Variants in ABTB2 observed in about 807,000 individuals in gnomAD.
ABTB2 encodes ankyrin repeat and BTB/POZ domain-containing protein 2.
A neutral mutation model predicts 104.1 loss-of-function variants in ABTB2; 56 were observed. That is an observed-to-expected ratio of 0.54 (90% CI 0.43 to 0.67). The LOEUF (loss-of-function observed/expected upper bound fraction) is 0.67, where lower values mean the gene tolerates loss of function less well. Ranked by LOEUF, ABTB2 falls within the 30% of genes least tolerant of loss-of-function variation. The pLI, the probability that ABTB2 is intolerant of heterozygous loss-of-function variation, is 0.00. For synonymous variants in ABTB2, 606 were observed against 608.2 expected (o/e 1.00, Z 0.05); for missense variants, 1,279 against 1,407.7 (o/e 0.91, Z 1.46).
intron 1 of ABTB2, among the ~76,000 whole-genome samples, chr11:34,277,602 G>T (rs1854397499): frequency 0.033 from 1 of 30 alleles, no homozygotes. Context: ...TGGCCAATAT[G>T]GTGAACCCCA....
chr11:34,239,260 A>T (rs1753477611), intron 1 of ABTB2, among the ~76,000 whole-genome samples: 1 of 152,000 alleles, frequency 6.6e-6, no homozygotes, highest in Non-Finnish European at 1.5e-5. Flanking sequence ...TTGTGCGCCC[A>T]CCTCTGAGCT....
intron 1 of ABTB2, among the ~76,000 whole-genome samples, chr11:34,287,375 A>G (rs973927715): frequency 2.0e-5 from 3 of 152,138 alleles, no homozygotes; most frequent in African/African-American, 7.2e-5. Context: ...CCCGGCCAAC[A>G]TGGCAAAACC....
At chr11:34,204,769 C>T (rs1853388267) in intron 1 of ABTB2, 79 bp from the exon 2 acceptor site, 1 of 1,446,638 alleles carries the variant, frequency 6.9e-7, no homozygotes, top group Admixed American at 2.2e-5. Flanking sequence ...GCAGGCAGGG[C>T]TCAGCCCTGC....
intron 1 of ABTB2, among the ~76,000 whole-genome samples, chr11:34,234,827 TTATACAGAGATTA>T (rs1853819414): frequency 6.6e-6 from 1 of 152,180 alleles, no homozygotes; most frequent in African/African-American, 2.4e-5. Context: ...CCTGAAGCAC[TTATACAGAGATTA>T]TTGTGTTTAT....
At chr11:34,333,927 C>T (rs1013055845) in intron 1 of ABTB2, among the ~76,000 whole-genome samples, 2 of 151,712 alleles carry the variant, frequency 1.3e-5, no homozygotes, top group African/African-American at 4.8e-5. Flanking sequence ...ATACGTTATA[C>T]CCAGATGCTG....
At chr11:34,299,720 A>G (rs1854676229) in intron 1 of ABTB2, among the ~76,000 whole-genome samples, 1 of 152,220 alleles carries the variant, frequency 6.6e-6, no homozygotes, top group Non-Finnish European at 1.5e-5. Context: ...CCTCATAGCC[A>G]AGGCATTTGG....
At chr11:34,173,658 G>A (rs1852918444) in intron 3 of ABTB2, among the ~76,000 whole-genome samples, 1 of 152,116 alleles carries the variant, frequency 6.6e-6, no homozygotes, top group African/African-American at 2.4e-5. Context: ...GTGGCCCAGG[G>A]AAGGAGCAGT....
At chr11:34,245,894 A>T (rs568072035) in intron 1 of ABTB2, among the ~76,000 whole-genome samples, 20 of 152,346 alleles carry the variant, frequency 1.3e-4, no homozygotes, top group African/African-American at 4.6e-4. Context: ...ACTAAATGGT[A>T]AACTGAGTAA....
intron 1 of ABTB2, among the ~76,000 whole-genome samples, chr11:34,215,796 T>G (rs1044031648): frequency 6.6e-6 from 1 of 152,234 alleles, no homozygotes; most frequent in Non-Finnish European, 1.5e-5. Context: ...AAAATATTTT[T>G]ATTAATAGCC....
intron 2 of ABTB2, among the ~76,000 whole-genome samples, chr11:34,198,874 C>A (rs1326050594): frequency 6.6e-6 from 1 of 152,242 alleles, no homozygotes; most frequent in Non-Finnish European, 1.5e-5. Flanking sequence ...AGCCTCACCC[C>A]TGGCCATTCC....
chr11:34,357,137 C>A lies in ABTB2; in HGVS notation c.447G>T (p.Leu149=). The A allele has an allele frequency of 6.7e-7, 1 of 1,501,858 alleles. No individual in the cohort carries two copies. The highest frequency in any genetic ancestry group is 8.8e-7 in the Non-Finnish European group (1 of 1,132,434). 93.0% of individuals were successfully genotyped at this position (1,501,858 alleles called of 1,614,324 possible). A position where few individuals can be genotyped will look rare whatever the true frequency, so the allele number is the denominator to read the frequency against. ...CCTCAAAGCGGGTGCACTTGGCGTG[C>A]AGCACGCTCAGGCGCTGCGCCTCGC... ...VAREAQRLSV[L]HAKCTRFEVQ... Residue 149 remains leucine (L), a synonymous_variant, in exon 1 of 17, where the codon CTG becomes CTT. Coordinates refer to ENST00000435224, the MANE Select transcript of ABTB2 (RefSeq NM_145804.3).
intron 1 of ABTB2, among the ~76,000 whole-genome samples, chr11:34,310,379 C>T (rs1854836275): frequency 1.3e-5 from 2 of 152,164 alleles, no homozygotes; most frequent in Non-Finnish European, 2.9e-5. Flanking sequence ...CTACCCCTCC[C>T]TGCAACCCTC....
At position 34,356,841 on chromosome 11, in the gene ABTB2, G is replaced by C. The variant is rs763920831; in HGVS notation, c.743C>G (p.Ala248Gly). The change falls in exon 1 of 17, where the codon GCC (alanine) becomes GGC (glycine). Residue 248 changes from alanine (A) to glycine (G), a missense_variant. By Grantham distance (60) the Ala-to-Gly change is moderately conservative. Transcript: ENST00000435224. The surrounding 1 kb of genome is among the most constrained non-coding windows in gnomAD (Gnocchi z 4.6). ...CCCTCCGCCATCAGGGCTGTGGCTGGCCATCACCCTGGCCCGGATCTCCTC... is the reference window on the plus strand; with the variant it reads ...CCCTCCGCCATCAGGGCTGTGGCTGCCCATCACCCTGGCCCGGATCTCCTC... Reference protein sequence around the residue: ...LVEEIRARVMASHSPDGGGAG... With the variant: ...LVEEIRARVMGSHSPDGGGAG... The C allele has an allele frequency of 2.5e-6, 4 of 1,604,998 alleles. No individual in the cohort carries two copies. Among genetic ancestry groups the C allele is most frequent in the Non-Finnish European group, 2.6e-6 (3 of 1,175,974 alleles).
chr11:34,237,899 AAAAC>A (rs1853865642), intron 1 of ABTB2, among the ~76,000 whole-genome samples: 1 of 152,166 alleles, frequency 6.6e-6, no homozygotes, highest in South Asian at 2.1e-4. Flanking sequence ...ACTCCACTCA[AAAAC>A]AAACAAAAAA....
intron 1 of ABTB2, among the ~76,000 whole-genome samples, chr11:34,287,520 C>T (rs1854519696): frequency 6.6e-6 from 1 of 152,186 alleles, no homozygotes; most frequent in African/African-American, 2.4e-5. Flanking sequence ...GCCTGGGTGA[C>T]AGAGCAAGAC....
chr11:34,357,707 G>T lies in ABTB2; in HGVS notation c.-124C>A. 3 of 1,128,904 alleles carry T rather than the reference G, an allele frequency of 2.7e-6. No homozygotes were observed. The highest frequency in any genetic ancestry group is 3.5e-6 in the Non-Finnish European group (3 of 863,890). The allele number at this position is 1,128,904 out of a possible 1,614,324, so 69.9% of individuals were successfully genotyped here. Reference sequence around the variant, plus strand: ...CACCCTCCTTCCTCTCTGCGTCGCGGGGCTCGGCGGCCGCATTGCCTGCCC... The same window carrying T: ...CACCCTCCTTCCTCTCTGCGTCGCGTGGCTCGGCGGCCGCATTGCCTGCCC... On this transcript the variant is annotated 5_prime_UTR_variant, in exon 1 of 17. Coordinates refer to ENST00000435224, the MANE Select transcript of ABTB2 (RefSeq NM_145804.3).
intron 1 of ABTB2, among the ~76,000 whole-genome samples, chr11:34,294,262 T>C (rs867942764): frequency 5.3e-5 from 8 of 152,122 alleles, no homozygotes; most frequent in African/African-American, 7.2e-5. Context: ...CCTGGGGTCA[T>C]TGAGGCTGCA....
chr11:34,177,114 T>C (rs1487122590), intron 3 of ABTB2, among the ~76,000 whole-genome samples: 1 of 152,218 alleles, frequency 6.6e-6, no homozygotes, highest in Non-Finnish European at 1.5e-5. Context: ...CATTCTTCCC[T>C]ATTGTGGCCA....
intron 4 of ABTB2, among the ~76,000 whole-genome samples, chr11:34,172,300 A>G (rs1852884365): frequency 7.2e-6 from 1 of 138,384 alleles, no homozygotes; most frequent in Admixed American, 7.5e-5. Context: ...TGAACCCAGG[A>G]GGCAGAGATT....
Sources: gnomAD v4.1 joint callset for allele counts (sites outside exome capture counted in the v4.1 genomes callset) on GRCh38, gnomAD v4.1.1 for gene constraint, Gnocchi (gnomAD v3.1) non-coding constraint, MANE v1.5 for transcripts, NCBI Gene and HGNC (gene_info 2026-07-23, HGNC 2026-07-21) for gene names.